The following ZNF329 variants were observed in gnomAD, a reference collection of about 807,000 sequenced individuals.
The protein encoded by ZNF329 is zinc finger protein 329.
In ZNF329, 15 loss-of-function variants were observed where a neutral mutation model predicts 26.6. That is an observed-to-expected ratio of 0.56 (90% CI 0.38 to 0.87). ZNF329 has a LOEUF of 0.87. Among genes scored for constraint, ZNF329 ranks in the 40% least tolerant of loss-of-function variants. The pLI is 0.00. For synonymous variants in ZNF329, 239 were observed against 233.5 expected (o/e 1.02, Z -0.21); for missense variants, 651 against 651.9 (o/e 1.00, Z 0.02).
rs1349555833 is a variant in ZNF329 at position 58,128,849 on chromosome 19, C to T, written c.655G>A (p.Val219Ile). Reference sequence around the variant, plus strand: ...CCGGTGTGAGTTCGGTGATGCAAAACAAGAGAAGAGTTCCGTTTGAAGCAT... The same window carrying T: ...CCGGTGTGAGTTCGGTGATGCAAAATAAGAGAAGAGTTCCGTTTGAAGCAT... ...GKCFKRNSSL[V>I]LHHRTHTGEK... The change falls in exon 4 of 4, where the codon GTT becomes ATT. Residue 219 changes from valine (V) to isoleucine (I), a missense_variant. Val to Ile is a conservative substitution (Grantham distance 29). Coordinates refer to ENST00000598312, the MANE Select transcript of ZNF329 (RefSeq NM_024620.4). 6.2e-7 allele frequency: 1 copy of T among 1,611,446 alleles called. No homozygotes were observed.
At chr19:58,147,398 C>T (rs1171318205) in intron 1 of ZNF329, among the ~76,000 whole-genome samples, 2 of 150,304 alleles carry the variant, frequency 1.3e-5, no homozygotes, top group African/African-American at 2.5e-5. Context: ...CGCCTGGCAG[C>T]CACCCCGTCC....
rs367712288 is a variant in ZNF329, at chr19:58,129,423, T to C, written c.81A>G (p.Glu27=). 1.6e-5 allele frequency: 26 copies of C among 1,614,028 alleles called. No individual in the cohort carries two copies. The highest frequency in any genetic ancestry group is 2.1e-5 in the Non-Finnish European group (25 of 1,180,008). The change falls in exon 4 of 4, where the codon GAA becomes GAG. Residue 27 remains glutamate (E), a synonymous_variant. Coordinates refer to ENST00000598312, the MANE Select transcript of ZNF329 (RefSeq NM_024620.4). ...CACCTAAACTGGACAAGCAGGGAAC[T>C]TCCCTTGTGAATCTTTCCACTTCTA... The part of the protein sequence containing the change: ...CDVEVERFTR[E]VPCLSSLGDG...
chr19:58,134,416 T>A (rs1318640675), intron 3 of ZNF329, among the ~76,000 whole-genome samples: 1 of 152,080 alleles, frequency 6.6e-6, no homozygotes, highest in Non-Finnish European at 1.5e-5. Context: ...TATCAACAAT[T>A]ACAATAAATA....
Position 58,149,494 on chromosome 19 carries a change from G to C in ZNF329, c.-208+1258C>G, listed in dbSNP as rs146252564. 4.4e-3 allele frequency among the ~76,000 whole-genome samples: 667 copies of C among 152,256 alleles called. 4 individuals carry two copies. Among genetic ancestry groups the C allele is most frequent in the South Asian group, 0.027 (131 of 4,818 alleles). On this transcript the variant is annotated intron_variant, in intron 1 of 3. Coordinates refer to ENST00000598312, the MANE Select transcript of ZNF329 (RefSeq NM_024620.4). ...AAAGATAAAGCTAATGTGGCAAAAA[G>C]TGTTAATAATTTTAGAATCTGGATG...
upstream of ZNF329, among the ~76,000 whole-genome samples, chr19:58,154,366 A>T (rs1568683403): frequency 6.6e-6 from 1 of 152,052 alleles, no homozygotes; most frequent in African/African-American, 2.4e-5. Flanking sequence ...TCAGGCCTTC[A>T]CTGACCTATG....
At chr19:58,140,225 T>C (rs372982160) in intron 3 of ZNF329, among the ~76,000 whole-genome samples, 1 of 152,268 alleles carries the variant, frequency 6.6e-6, no homozygotes, top group African/African-American at 2.4e-5. Context: ...AATGAATTAG[T>C]GCCCCCAGAA....
At position 58,127,244 on chromosome 19, in the gene ZNF329, T is replaced by G. The variant is rs1017170149; in HGVS notation, c.*634A>C. The G allele has an allele frequency of 6.6e-6, 1 of 152,184 alleles. No homozygotes were observed. Among genetic ancestry groups the G allele is most frequent in the African/African-American group, 2.4e-5 (1 of 41,442 alleles). The allele number at this position is 152,184 out of a possible 1,614,324, so 9.4% of individuals were successfully genotyped here. A position where few individuals can be genotyped will look rare whatever the true frequency, so the allele number is the denominator to read the frequency against. On this transcript the variant is annotated 3_prime_UTR_variant, in exon 4 of 4. Coordinates refer to ENST00000598312, the MANE Select transcript of ZNF329 (RefSeq NM_024620.4). ...TTCAGGCCAGGCAGTGTCTCATGCC[T>G]GTAATCCCAACACTTTGGGAGGCTG...
intron 1 of ZNF329, among the ~76,000 whole-genome samples, chr19:58,146,536 TCC>T (rs2075312849): frequency 6.8e-6 from 1 of 147,216 alleles, no homozygotes; most frequent in African/African-American, 2.6e-5. Context: ...CCTCTCCCCC[TCC>T]CCCTCTCCCT....
upstream of ZNF329, among the ~76,000 whole-genome samples, chr19:58,151,227 C>T (rs943705501): frequency 6.6e-6 from 1 of 152,112 alleles, no homozygotes; most frequent in Admixed American, 6.5e-5. Flanking sequence ...GTAACAATAG[C>T]CGGTTGAAAA....
At chr19:58,151,485 C>T (rs1052930367), upstream of ZNF329, among the ~76,000 whole-genome samples, 1 of 151,850 alleles carries the variant, frequency 6.6e-6, no homozygotes, top group African/African-American at 2.4e-5. Context: ...CCTGTAATCC[C>T]AGCTCCTCGG....
chr19:58,129,536 C>A (rs1600047534), intron 3 of ZNF329, 25 bp from the exon 4 acceptor site: 1 of 1,544,338 alleles, frequency 6.5e-7, no homozygotes, highest in Non-Finnish European at 8.7e-7. Context: ...AAAATGCAGA[C>A]TTAGGTATAT....
At chr19:58,154,171 G>A (rs1447317257), upstream of ZNF329, among the ~76,000 whole-genome samples, 1 of 152,112 alleles carries the variant, frequency 6.6e-6, no homozygotes, top group African/African-American at 2.4e-5. Flanking sequence ...ACCACGCGCG[G>A]CTAATTTTTG....
At position 58,129,214 on chromosome 19, in the gene ZNF329, T is replaced by C. The variant is rs780871658; in HGVS notation, c.290A>G (p.Asn97Ser). ...ATNGFHAPDS[N>S]VSGLDCDPAL... ...GGGGTCACAATCCAGACCACTAACATTTGAGTCAGGTGCATGGAAACCATT... is the reference window on the plus strand; with the variant it reads ...GGGGTCACAATCCAGACCACTAACACTTGAGTCAGGTGCATGGAAACCATT... Residue 97 changes from asparagine (N) to serine (S), a missense_variant, in exon 4 of 4, where the codon AAT becomes AGT. Transcript: ENST00000598312. 6.2e-7 allele frequency: 1 copy of C among 1,614,064 alleles called. No homozygotes were observed. Among genetic ancestry groups the C allele is most frequent in the African/African-American group, 1.3e-5 (1 of 74,928 alleles).
chr19:58,135,503 T>C (rs2075044405), intron 3 of ZNF329, among the ~76,000 whole-genome samples: 1 of 152,144 alleles, frequency 6.6e-6, no homozygotes, highest in African/African-American at 2.4e-5. Flanking sequence ...TGGCCTCAGG[T>C]GATCTGCCTG....
At chr19:58,144,512 C>G (rs2075263093) in intron 1 of ZNF329, among the ~76,000 whole-genome samples, 1 of 151,576 alleles carries the variant, frequency 6.6e-6, no homozygotes, top group Admixed American at 6.6e-5. Flanking sequence ...CTCAGCCTCC[C>G]GAGTAGTTGG....
At chr19:58,138,013 G>A (rs1036790638) in intron 3 of ZNF329, among the ~76,000 whole-genome samples, 1 of 151,950 alleles carries the variant, frequency 6.6e-6, no homozygotes, top group Admixed American at 6.6e-5. Flanking sequence ...AAGCAAAAAT[G>A]AACACATAAG....
intron 1 of ZNF329, among the ~76,000 whole-genome samples, chr19:58,147,279 C>A (rs1380380210): frequency 6.6e-6 from 1 of 150,840 alleles, no homozygotes; most frequent in African/African-American, 2.4e-5. Context: ...GCCTGGCAAC[C>A]GCCCCGTCTG....
At chr19:58,142,459 T>A (rs561457480) in intron 3 of ZNF329, 98 bp downstream of exon 3, 6 of 152,664 alleles carry the variant, frequency 3.9e-5, no homozygotes, top group Admixed American at 6.5e-5. Flanking sequence ...CTAGACCCCA[T>A]CTGCCACATT....
In ZNF329 at chr19:58,129,128, C is replaced by T. The variant is rs1159394251; in HGVS notation, c.376G>A (p.Gly126Arg). 4 of 1,614,000 alleles carry T rather than the reference C, an allele frequency of 2.5e-6. No homozygotes were observed. The highest frequency in any genetic ancestry group is 3.4e-6 in the Non-Finnish European group (4 of 1,180,028). ...DKRTGDSDAC[G>R]KGFNHSMEVI... ...TCCATGGAATGGTTGAAGCCTTTTC[C>T]ACAGGCATCACTGTCACCAGTTCTC... Residue 126 changes from glycine to arginine, a missense_variant, in exon 4 of 4, where the codon GGA (glycine) becomes AGA (arginine). By Grantham distance (125) the Gly-to-Arg change is moderately radical (BLOSUM62 -2). Transcript: ENST00000598312.
Sources: gnomAD v4.1 joint callset for allele counts (sites outside exome capture counted in the v4.1 genomes callset) on GRCh38, gnomAD v4.1.1 for gene constraint, MANE v1.5 for transcripts, NCBI Gene and HGNC (gene_info 2026-07-23, HGNC 2026-07-21) for gene names.